C8orf34: variants seen among roughly 807,000 people sequenced by gnomAD.
The protein encoded by C8orf34 is chromosome 8 open reading frame 34.
C8orf34 carries 65 observed loss-of-function variants against 68.3 expected under a neutral mutation model. The ratio of observed to expected loss-of-function variants is 0.95; its 90% CI spans 0.78 to 1.17. C8orf34 has a LOEUF of 1.17. C8orf34 is among the 50% of genes most tolerant of loss of function. C8orf34 has a pLI of 0.00. For synonymous variants in C8orf34, 244 were observed against 241.2 expected, an observed-to-expected ratio of 1.01 and a Z score of -0.11; for missense variants, 664 against 655.4, an observed-to-expected ratio of 1.01 and a Z score of -0.14.
intron 10 of C8orf34, among the ~76,000 whole-genome samples, chr8:68,745,979 T>A (rs932285199): frequency 1.9e-4 from 29 of 152,076 alleles, no homozygotes; most frequent in Admixed American, 6.5e-4. Context: ...GACCACATAC[T>A]TGGAAGTAAA....
chr8:68,702,380 T>A (rs930612489), intron 8 of C8orf34, among the ~76,000 whole-genome samples: 1 of 152,190 alleles, frequency 6.6e-6, no homozygotes, highest in South Asian at 2.1e-4. Flanking sequence ...CAAAGCTTCC[T>A]TCTACATGAA....
chr8:68,530,453 T>G, intron 6 of C8orf34: 1 of 214,518 alleles, frequency 4.7e-6, no homozygotes, highest in Non-Finnish European at 9.8e-6. Context: ...ATAAAATAAT[T>G]TAGGTGTTAA....
rs141472761 is a variant in C8orf34 at position 68,355,469 on chromosome 8, T to G, written c.327+24130T>G. On this transcript the variant is annotated intron_variant, in intron 1 of 13. Coordinates refer to ENST00000518698, the MANE Select transcript of C8orf34 (RefSeq NM_052958.4). ...TGAGGTGAAAACAGTTTGAAGAGCC[T>G]AATTCTGTGACTGGCATTTGGTGGA... Among the ~76,000 whole-genome samples, 1,007 of 152,300 alleles carry G rather than the reference T, an allele frequency of 6.6e-3. 9 individuals are homozygous for G. Among genetic ancestry groups the G allele is most frequent in the Non-Finnish European group, 8.8e-3 (598 of 68,028 alleles).
chr8:68,419,680 G>A (rs1009822888), intron 1 of C8orf34, among the ~76,000 whole-genome samples: 21 of 151,816 alleles, frequency 1.4e-4, no homozygotes, highest in South Asian at 6.2e-4. Context: ...CCTTTGTAGG[G>A]ACATGGATGA....
intron 1 of C8orf34, among the ~76,000 whole-genome samples, chr8:68,411,040 CT>C (rs1476912937): frequency 2.0e-5 from 3 of 152,194 alleles, no homozygotes; most frequent in Non-Finnish European, 2.9e-5. Context: ...ACCTCACCTG[CT>C]TCATTCTTCA....
At chr8:68,664,361 G>A (rs1296579431) in intron 8 of C8orf34, among the ~76,000 whole-genome samples, 1 of 152,192 alleles carries the variant, frequency 6.6e-6, no homozygotes, top group Non-Finnish European at 1.5e-5. Flanking sequence ...TAAGGAGTAA[G>A]GGGGTTAAGA....
intron 7 of C8orf34, among the ~76,000 whole-genome samples, chr8:68,537,741 T>G (rs1466613423): frequency 6.6e-6 from 1 of 152,132 alleles, no homozygotes; most frequent in Non-Finnish European, 1.5e-5. Context: ...ACCTTCTAGA[T>G]TTACTTGTTT....
intron 7 of C8orf34, among the ~76,000 whole-genome samples, chr8:68,601,762 G>C (rs1283336049): frequency 2.0e-5 from 3 of 151,998 alleles, no homozygotes; most frequent in Admixed American, 2.0e-4. Context: ...TCTCATTCAA[G>C]TTGTGATTTT....
At chr8:68,446,781 C>T (rs1811143586) in intron 3 of C8orf34, 1 of 331,890 alleles carries the variant, frequency 3.0e-6, no homozygotes, top group East Asian at 4.6e-5. Context: ...CAGTAGCTAC[C>T]TATATTTAAT....
chr8:68,336,672 C>T (rs1805865110), intron 1 of C8orf34, among the ~76,000 whole-genome samples: 1 of 152,306 alleles, frequency 6.6e-6, no homozygotes, highest in Non-Finnish European at 1.5e-5. Context: ...GGAATAACAA[C>T]ATCCTGGTAG....
At chr8:68,386,582 T>C (rs917843264) in intron 1 of C8orf34, among the ~76,000 whole-genome samples, 1 of 152,180 alleles carries the variant, frequency 6.6e-6, no homozygotes. Flanking sequence ...TATAACCTCC[T>C]AAGTGTCTAT....
intron 7 of C8orf34, among the ~76,000 whole-genome samples, chr8:68,569,735 A>G (rs560441554): frequency 1.3e-5 from 2 of 152,344 alleles, no homozygotes; most frequent in African/African-American, 2.4e-5. Context: ...TTAGAGTATC[A>G]TCTGTCAAGG....
chr8:68,689,742 T>G (rs1466557889), intron 8 of C8orf34, among the ~76,000 whole-genome samples: 1 of 151,948 alleles, frequency 6.6e-6, no homozygotes, highest in African/African-American at 2.4e-5. Context: ...GTTACCTGAG[T>G]GGTCTGTTTT....
At chr8:68,515,301 C>A (rs1240032752) in intron 5 of C8orf34, among the ~76,000 whole-genome samples, 6 of 151,602 alleles carry the variant, frequency 4.0e-5, no homozygotes, top group Non-Finnish European at 7.4e-5. Flanking sequence ...TGCCTACAGC[C>A]CTCCCTTTTT....
chr8:68,525,033 A>C (rs1415671572), intron 6 of C8orf34, among the ~76,000 whole-genome samples: 1 of 152,154 alleles, frequency 6.6e-6, no homozygotes. Flanking sequence ...TAAAGAGAAA[A>C]TTTTATAATT....
intron 12 of C8orf34, among the ~76,000 whole-genome samples, chr8:68,805,162 C>A (rs896839267): frequency 1.3e-5 from 2 of 152,172 alleles, no homozygotes; most frequent in African/African-American, 4.8e-5. Context: ...TTTCATCCTG[C>A]ATTTATTTTG....
chr8:68,387,811 G>A (rs531241513), intron 1 of C8orf34, among the ~76,000 whole-genome samples: 1 of 152,302 alleles, frequency 6.6e-6, no homozygotes, highest in East Asian at 1.9e-4. Context: ...AATAGAGCAT[G>A]AATGTGACAA....
At chr8:68,791,263 G>C in intron 12 of C8orf34, 1 of 280,448 alleles carries the variant, frequency 3.6e-6, no homozygotes, top group East Asian at 6.1e-5. Context: ...TAAGGAGAGA[G>C]AGAGAGCAGT....
intron 7 of C8orf34, among the ~76,000 whole-genome samples, chr8:68,572,283 T>A (rs563853771): frequency 1.3e-5 from 2 of 151,672 alleles, no homozygotes; most frequent in East Asian, 3.9e-4. Flanking sequence ...AAGCAAAAAA[T>A]TTGTCAAACT....
Sources: allele counts gnomAD v4.1 joint callset (sites outside exome capture counted in the v4.1 genomes callset), GRCh38; gene constraint gnomAD v4.1.1; transcripts MANE v1.5; gene names NCBI Gene and HGNC (gene_info 2026-07-23, HGNC 2026-07-21).